Variants in EFCAB6 observed in about 807,000 individuals in gnomAD.
The protein encoded by EFCAB6 is EF-hand calcium binding domain 6, also known as EF-hand calcium-binding domain-containing protein 6.
In EFCAB6, 156 loss-of-function variants were observed where a neutral mutation model predicts 169.8. The observed-to-expected ratio is 0.92, with a 90% CI of 0.81 to 1.05. The LOEUF (loss-of-function observed/expected upper bound fraction) is 1.05. Among genes scored for constraint, EFCAB6 ranks in the 50% least tolerant of loss-of-function variants. EFCAB6 has a pLI of 0.00. For missense variants in EFCAB6, 1,800 were observed against 1,829.1 expected (o/e 0.98, Z 0.29); for synonymous variants, 698 against 676.4 (o/e 1.03, Z -0.50).
At chr22:43,734,891 A>C (rs918466254) in intron 7 of EFCAB6, among the ~76,000 whole-genome samples, 1 of 152,196 alleles carries the variant, frequency 6.6e-6, no homozygotes, top group Non-Finnish European at 1.5e-5. Flanking sequence ...AGCAGCAGCC[A>C]CATTGTCTTT....
intron 3 of EFCAB6, among the ~76,000 whole-genome samples, chr22:43,774,405 C>T (rs1036109411): frequency 2.0e-5 from 3 of 151,516 alleles, no homozygotes; most frequent in Non-Finnish European, 4.4e-5. Context: ...CAGACCCTAA[C>T]CCCATGAGCC....
intron 6 of EFCAB6, among the ~76,000 whole-genome samples, chr22:43,753,675 C>A (rs1306925329): frequency 6.6e-6 from 1 of 152,106 alleles, no homozygotes; most frequent in Non-Finnish European, 1.5e-5. Flanking sequence ...GAGAGGCTGA[C>A]AAATCAGCCA....
rs556120094 is a variant in EFCAB6 at position 43,643,498 on chromosome 22, T to C, written c.1984-8282A>G. Reference sequence around the variant, plus strand: ...AGGAGCCACTCAGGTGACTGCTGGGTGTGCTGCTGCCCAGGGAAGCCTGGG... The same window carrying C: ...AGGAGCCACTCAGGTGACTGCTGGGCGTGCTGCTGCCCAGGGAAGCCTGGG... On this transcript the variant is annotated intron_variant, in intron 17 of 31. Coordinates refer to ENST00000262726, the MANE Select transcript of EFCAB6 (RefSeq NM_022785.4). Among the ~76,000 whole-genome samples the C allele has an allele frequency of 9.2e-5, 14 of 152,360 alleles. No individual in the cohort carries two copies. The South Asian group carries it at 2.9e-3, about 32-fold the overall frequency.
chr22:43,554,993 G>A lies in EFCAB6; in HGVS notation c.3524C>T (p.Thr1175Ile). ...CTGGGTGATGGCATGGTAATGGGAAGTCACTGCTTTGTGGAGGCGAGCCAG... is the reference window on the plus strand; with the variant it reads ...CTGGGTGATGGCATGGTAATGGGAAATCACTGCTTTGTGGAGGCGAGCCAG... ...DILARLHKAV[T>I]SHYHAITQEF... Residue 1175 changes from threonine (T) to isoleucine (I), a missense_variant, in exon 27 of 32, where the codon ACT (threonine) becomes ATT (isoleucine). Transcript: ENST00000262726. 1.2e-6 allele frequency: 2 copies of A among 1,614,214 alleles called. No homozygotes were observed. The highest frequency in any genetic ancestry group is 4.5e-5 in the East Asian group (2 of 44,890).
intron 21 of EFCAB6, among the ~76,000 whole-genome samples, chr22:43,615,385 A>G (rs1436215454): frequency 2.6e-5 from 4 of 152,234 alleles, no homozygotes; most frequent in African/African-American, 9.6e-5. Flanking sequence ...ATGTGCTTCT[A>G]TAATTTTGGC....
intron 6 of EFCAB6, among the ~76,000 whole-genome samples, chr22:43,751,620 A>G (rs975290130): frequency 3.3e-5 from 5 of 152,306 alleles, no homozygotes; most frequent in South Asian, 2.1e-4. Context: ...CAGAGAGAAA[A>G]GGGAAGAAAA....
intron 5 of EFCAB6, among the ~76,000 whole-genome samples, chr22:43,762,685 T>C (rs934185781): frequency 5.9e-5 from 9 of 152,224 alleles, no homozygotes; most frequent in African/African-American, 2.2e-4. Flanking sequence ...TTAGTTTAAA[T>C]GTTTAGCCTT....
At chr22:43,599,292 T>C (rs767172577) in intron 23 of EFCAB6, among the ~76,000 whole-genome samples, 1 of 151,844 alleles carries the variant, frequency 6.6e-6, no homozygotes, top group Non-Finnish European at 1.5e-5. Context: ...GGTGGATCGC[T>C]TGAGGTCAGG....
At chr22:43,682,495 T>C (rs1313768060) in intron 12 of EFCAB6, among the ~76,000 whole-genome samples, 1 of 152,204 alleles carries the variant, frequency 6.6e-6, no homozygotes, top group African/African-American at 2.4e-5. Flanking sequence ...CAGCATACTA[T>C]TAGAACCTGA....
At chr22:43,574,426 G>A (rs2050099633) in intron 26 of EFCAB6, among the ~76,000 whole-genome samples, 1 of 152,114 alleles carries the variant, frequency 6.6e-6, no homozygotes, top group Admixed American at 6.5e-5. Flanking sequence ...TGACTTCTGG[G>A]AGCCTGTCTA....
intron 8 of EFCAB6, among the ~76,000 whole-genome samples, chr22:43,731,024 G>C (rs540867902): frequency 1.3e-5 from 2 of 152,248 alleles, no homozygotes; most frequent in East Asian, 3.9e-4. Flanking sequence ...GACCACTGAG[G>C]GGAAATCTTA....
At chr22:43,562,134 G>T (rs1377786128) in intron 26 of EFCAB6, among the ~76,000 whole-genome samples, 1 of 152,178 alleles carries the variant, frequency 6.6e-6, no homozygotes, top group Non-Finnish European at 1.5e-5. Context: ...AACCATTTAC[G>T]TGTTTTCAAG....
At chr22:43,700,573 G>A (rs995783310) in intron 10 of EFCAB6, among the ~76,000 whole-genome samples, 1 of 152,128 alleles carries the variant, frequency 6.6e-6, no homozygotes, top group African/African-American at 2.4e-5. Context: ...TCCCACACTC[G>A]GGAGACAGAA....
intron 2 of EFCAB6, 114 bp from the exon 3 acceptor site, chr22:43,782,439 G>T: frequency 2.3e-6 from 2 of 871,954 alleles, no homozygotes; most frequent in Non-Finnish European, 3.5e-6. Context: ...TAAAAATGAT[G>T]CTAGTCATAA....
Position 43,669,007 on chromosome 22 carries a change from A to C in EFCAB6, c.1679T>G (p.Ile560Ser), listed in dbSNP as rs774608239. The C allele has an allele frequency of 7.4e-6, 12 of 1,611,892 alleles. No homozygotes were observed. Among genetic ancestry groups the C allele is most frequent in the Non-Finnish European group, 1.0e-5 (12 of 1,179,094 alleles). Residue 560 changes from isoleucine (I) to serine (S), a missense_variant, in exon 16 of 32, where the codon ATC (isoleucine) becomes AGC (serine). Coordinates refer to ENST00000262726, the MANE Select transcript of EFCAB6 (RefSeq NM_022785.4). ...SKIQDIGSGRILYKKLLACIG... is the reference protein window; with the variant it reads ...SKIQDIGSGRSLYKKLLACIG... ...GCATGCCAAAAGTTTCTTGTAAAGG[A>C]TTCTTCCTGAACCAATGTCCTGAAT...
At chr22:43,635,030 G>A (rs1007024126) in intron 18 of EFCAB6, 72 bp downstream of exon 18, 2 of 1,247,180 alleles carry the variant, frequency 1.6e-6, no homozygotes, top group Non-Finnish European at 2.4e-6. Context: ...GTGGCCTGGT[G>A]GCACTGCTAG....
At chr22:43,618,963 G>C (rs2053935591) in intron 20 of EFCAB6, among the ~76,000 whole-genome samples, 1 of 151,256 alleles carries the variant, frequency 6.6e-6, no homozygotes, top group Non-Finnish European at 1.5e-5. Flanking sequence ...CTCACCATGA[G>C]ACATGCGGAG....
At chr22:43,575,988 A>C (rs774704332) in intron 26 of EFCAB6, among the ~76,000 whole-genome samples, 2 of 152,178 alleles carry the variant, frequency 1.3e-5, no homozygotes, top group Non-Finnish European at 2.9e-5. Context: ...TGCTTTAGTA[A>C]TCTCATTTCC....
chr22:43,606,031 T>C (rs1382188823), intron 22 of EFCAB6, among the ~76,000 whole-genome samples: 1 of 152,136 alleles, frequency 6.6e-6, no homozygotes, highest in Non-Finnish European at 1.5e-5. Flanking sequence ...TGAATGTGTG[T>C]GCCAACCCAA....
Sources: gnomAD v4.1 joint callset for allele counts (sites outside exome capture counted in the v4.1 genomes callset) on GRCh38, gnomAD v4.1.1 for gene constraint, MANE v1.5 for transcripts, NCBI Gene and HGNC (gene_info 2026-07-23, HGNC 2026-07-21) for gene names.